The following TPM3 variants were observed in gnomAD, a reference collection of about 807,000 sequenced individuals.
TPM3 encodes tropomyosin alpha-3 chain.
A neutral mutation model predicts 43.1 loss-of-function variants in TPM3; 16 were observed. The observed-to-expected ratio is 0.37, with a 90% CI of 0.25 to 0.56. TPM3 has a LOEUF of 0.56. Ranked by LOEUF, TPM3 falls within the 20% of genes least tolerant of loss-of-function variation. The pLI is 0.77. For missense variants in TPM3, 176 were observed against 337.2 expected (o/e 0.52, Z 3.74); for synonymous variants, 101 against 116.9 (o/e 0.86, Z 0.88).
chr1:154,170,797 T>C, intron 6 of TPM3, 86 bp from the exon 7 acceptor site: 1 of 927,488 alleles, frequency 1.1e-6, no homozygotes, highest in Non-Finnish European at 1.8e-6. Flanking sequence ...TTACATTGAA[T>C]ATCCTCTTGC....
rs1346540026 is a variant in TPM3, at chr1:154,164,091, C to T, written c.*3846G>A. 3.3e-5 allele frequency among the ~76,000 whole-genome samples: 5 copies of T among 152,212 alleles called. No individual in the cohort carries two copies. Among genetic ancestry groups the T allele is most frequent in the East Asian group, 3.9e-4 (2 of 5,184 alleles). The stretch of plus-strand genomic sequence containing the variant: ...CCCAGATACCTGCCAGATTGTCAGC[C>T]GTATCTTCTTTCCCTTCCCCCAGCT... On this transcript the variant is annotated 3_prime_UTR_variant, in exon 10 of 10. Coordinates refer to ENST00000651641, the MANE Select transcript of TPM3 (RefSeq NM_152263.4).
chr1:154,170,038 G>A, intron 8 of TPM3: 1 of 292,612 alleles, frequency 3.4e-6, no homozygotes, highest in South Asian at 3.7e-5. Context: ...ACTGTGGAAA[G>A]TAGCCATGAA....
chr1:154,175,246 G>A (rs1662163163), intron 3 of TPM3, among the ~76,000 whole-genome samples: 2 of 151,334 alleles, frequency 1.3e-5, no homozygotes, highest in African/African-American at 4.9e-5. Context: ...CAGGAGAATG[G>A]CGTGAACCCG....
intron 2 of TPM3, among the ~76,000 whole-genome samples, chr1:154,189,932 G>A (rs945569674): frequency 5.3e-5 from 8 of 151,888 alleles, no homozygotes; most frequent in Non-Finnish European, 8.8e-5. Flanking sequence ...AAAACCAAAT[G>A]TGATTTTATT....
rs1014840192 is a variant in TPM3 at position 154,162,809 on chromosome 1, C to T, written c.*5128G>A. ...GGTACCCCAGTTTGTTGGTCTCTATCCTTGGCTCACACTAGTCATACCGCA... is the reference window on the plus strand; with the variant it reads ...GGTACCCCAGTTTGTTGGTCTCTATTCTTGGCTCACACTAGTCATACCGCA... On this transcript the variant is annotated 3_prime_UTR_variant, in exon 10 of 10. Transcript: ENST00000651641. Among the ~76,000 whole-genome samples the T allele has an allele frequency of 6.6e-6, 1 of 152,182 alleles. No individual in the cohort carries two copies. The highest frequency in any genetic ancestry group is 1.5e-5 in the Non-Finnish European group (1 of 68,034).
At chr1:154,188,699 G>C (rs1465547313) in intron 2 of TPM3, among the ~76,000 whole-genome samples, 1 of 147,320 alleles carries the variant, frequency 6.8e-6, no homozygotes, top group Non-Finnish European at 1.5e-5. Context: ...AAAAAAGCCT[G>C]TGCTGGCCTT....
At chr1:154,183,852 CTTTTTTTTTTTTT>C (rs556708488) in intron 2 of TPM3, 3 of 99,312 alleles carry the variant, frequency 3.0e-5, no homozygotes, top group African/African-American at 1.2e-4. Context: ...GACTTTTCTC[CTTTTTTTTTTTTT>C]TTTTTTTTTT....
chr1:154,178,262 A>C, intron 2 of TPM3: 1 of 874,872 alleles, frequency 1.1e-6, no homozygotes, highest in Non-Finnish European at 1.4e-6. Flanking sequence ...AAGCTGGCTC[A>C]GGCAGTTTCT....
downstream of TPM3, among the ~76,000 whole-genome samples, chr1:154,160,932 T>C (rs532349773): frequency 3.9e-5 from 6 of 151,934 alleles, no homozygotes; most frequent in African/African-American, 1.5e-4. Context: ...AAGGTCTTAC[T>C]GTGTTGTCCA....
chr1:154,171,452 G>A lies in TPM3; in HGVS notation c.603C>T (p.Val201=). The A allele has an allele frequency of 6.2e-7, 1 of 1,614,156 alleles. No individual in the cohort carries two copies. The highest frequency in any genetic ancestry group is 1.6e-4 in the Middle Eastern group (1 of 6,062). ...CSELEEELKN[V]TNNLKSLEAQ... is the part of the protein sequence containing the mutation. ...CCTCAAGAGACTTGAGGTTGTTGGTGACATTCTTCAGCTCCTCCTCCAGCT... is the reference window on the plus strand; with the variant it reads ...CCTCAAGAGACTTGAGGTTGTTGGTAACATTCTTCAGCTCCTCCTCCAGCT... Residue 201 remains valine, a synonymous_variant, in exon 6 of 10, where the codon GTC becomes GTT. Coordinates refer to ENST00000651641, the MANE Select transcript of TPM3 (RefSeq NM_152263.4).
At chr1:154,174,368 G>GTATGTATATATA (rs1553249324) in intron 3 of TPM3, among the ~76,000 whole-genome samples, 1 of 46,354 alleles carries the variant, frequency 2.2e-5, no homozygotes, top group Non-Finnish European at 4.3e-5. Flanking sequence ...AAATATATGT[G>GTATGTATATATA]TATATATATA....
intron 2 of TPM3, among the ~76,000 whole-genome samples, chr1:154,180,962 C>A (rs1241196512): frequency 6.6e-6 from 1 of 151,838 alleles, no homozygotes. Flanking sequence ...AGGAATCACC[C>A]ACCTTAGAAC....
intron 2 of TPM3, among the ~76,000 whole-genome samples, chr1:154,185,229 G>A (rs959262646): frequency 2.7e-5 from 4 of 148,184 alleles, no homozygotes; most frequent in South Asian, 2.1e-4. Context: ...AAAATTAGCC[G>A]GGTGTGGTGG....
intron 1 of TPM3, 138 bp downstream of exon 1, chr1:154,191,764 C>T: frequency 6.3e-7 from 1 of 1,589,692 alleles, no homozygotes; most frequent in South Asian, 1.1e-5. Context: ...ATCCTCTGCT[C>T]CTCCAGTGAG....
In TPM3 at chr1:154,167,429, A is replaced by C; in HGVS notation, c.*508T>G. 9.4e-7 allele frequency: 1 copy of C among 1,069,276 alleles called. No homozygotes were observed. The highest frequency in any genetic ancestry group is 1.1e-6 in the Non-Finnish European group (1 of 880,832). 66.2% of individuals were successfully genotyped at this position (1,069,276 alleles called of 1,614,324 possible). ...TCAATGACACCACACCAAAGGAGGA[A>C]TACCTGAAGAGAGAATGGAAACACT... is the stretch of plus-strand genomic sequence containing the variant. On this transcript the variant is annotated 3_prime_UTR_variant, in exon 10 of 10. Coordinates refer to ENST00000651641, the MANE Select transcript of TPM3 (RefSeq NM_152263.4).
At chr1:154,155,325 A>C, downstream of TPM3, 1 of 440,468 alleles carries the variant, frequency 2.3e-6, no homozygotes, top group Middle Eastern at 6.4e-4. Context: ...AAAACCCTTT[A>C]ATTTCTTCCA....
chr1:154,172,150 G>A, intron 5 of TPM3: 1 of 1,596,610 alleles, frequency 6.3e-7, no homozygotes, highest in Non-Finnish European at 8.6e-7. Context: ...GTTGTGGGGA[G>A]GGAGAAAGGT....
intron 2 of TPM3, among the ~76,000 whole-genome samples, chr1:154,176,690 G>A (rs1319416270): frequency 6.6e-6 from 1 of 150,640 alleles, no homozygotes; most frequent in African/African-American, 2.4e-5. Context: ...TCTTAAAGAG[G>A]GTATCCTGAC....
chr1:154,157,848 G>A (rs1659966477), downstream of TPM3: 6 of 727,466 alleles, frequency 8.2e-6, no homozygotes, highest in Admixed American at 5.8e-5. Flanking sequence ...CTCAGCCACA[G>A]AAGTGAGCTA....
Sources: allele counts gnomAD v4.1 joint callset (sites outside exome capture counted in the v4.1 genomes callset), GRCh38; gene constraint gnomAD v4.1.1; transcripts MANE v1.5; gene names NCBI Gene and HGNC (gene_info 2026-07-23, HGNC 2026-07-21).